The following UBE2E2 variants were observed in gnomAD, a reference collection of about 807,000 sequenced individuals.
The protein encoded by UBE2E2 is ubiquitin conjugating enzyme E2 E2, also known as ubiquitin-conjugating enzyme E2 E2.
UBE2E2 carries 6 observed loss-of-function variants against 24.7 expected under a neutral mutation model. The observed-to-expected ratio is 0.24, with a 90% confidence interval of 0.13 to 0.48. The LOEUF (loss-of-function observed/expected upper bound fraction) is 0.48, where lower values mean the gene tolerates loss of function less well. UBE2E2 is among the 20% of genes least tolerant of loss of function. The probability of loss-of-function intolerance (pLI) is 0.99; values close to 1 mark genes in which losing one functional copy is unlikely to be tolerated. For missense variants in UBE2E2, 169 were observed against 245.0 expected, an observed-to-expected ratio of 0.69 and a Z score of 2.07; for synonymous variants, 104 against 83.6, an observed-to-expected ratio of 1.24 and a Z score of -1.33.
chr3:23,564,200 G>T (rs1475710767), intron 5 of UBE2E2, among the ~76,000 whole-genome samples: 1 of 151,972 alleles, frequency 6.6e-6, no homozygotes, highest in Non-Finnish European at 1.5e-5. Context: ...GGGGCAATAG[G>T]TCTGTTCATT....
At chr3:23,512,363 A>G (rs752364167) in intron 4 of UBE2E2, among the ~76,000 whole-genome samples, 4 of 152,050 alleles carry the variant, frequency 2.6e-5, no homozygotes, top group Non-Finnish European at 4.4e-5. Flanking sequence ...GACTACAGGC[A>G]TGTGCCACCA....
rs564685824 is a variant in UBE2E2, at chr3:23,325,229, T to C, written c.227+107917T>C. On this transcript the variant is annotated intron_variant, in intron 3 of 5. Coordinates refer to ENST00000396703, the MANE Select transcript of UBE2E2 (RefSeq NM_152653.4). Reference sequence around the variant, plus strand: ...AATAAAGCTATTGTGTGTTTTTTTTTCCTTTGGGACAAGGATTTAGATTTA... The same window carrying C: ...AATAAAGCTATTGTGTGTTTTTTTTCCCTTTGGGACAAGGATTTAGATTTA... 2.6e-5 allele frequency among the ~76,000 whole-genome samples: 4 copies of C among 152,312 alleles called. No homozygotes were observed. In the South Asian group the frequency reaches 6.2e-4, roughly 24 times the overall value.
At chr3:23,361,178 T>C (rs1392500264) in intron 3 of UBE2E2, among the ~76,000 whole-genome samples, 1 of 152,048 alleles carries the variant, frequency 6.6e-6, no homozygotes, top group Non-Finnish European at 1.5e-5. Flanking sequence ...TAAAAAATAA[T>C]AGATGTTGGT....
At chr3:23,247,058 T>C (rs1248773404) in intron 3 of UBE2E2, among the ~76,000 whole-genome samples, 2 of 152,104 alleles carry the variant, frequency 1.3e-5, no homozygotes, top group African/African-American at 4.8e-5. Context: ...TCTTGTTATG[T>C]TGCCCACGTT....
intron 2 of UBE2E2, among the ~76,000 whole-genome samples, chr3:23,215,834 A>G (rs996996432): frequency 1.3e-5 from 2 of 152,182 alleles, no homozygotes; most frequent in African/African-American, 4.8e-5. Context: ...GGACTTAGCC[A>G]CTGAGTTTTG....
At chr3:23,508,669 G>GT (rs1306584756) in intron 4 of UBE2E2, among the ~76,000 whole-genome samples, 33 of 152,274 alleles carry the variant, frequency 2.2e-4, no homozygotes, top group African/African-American at 7.2e-4. Flanking sequence ...AAAGGTGGAG[G>GT]TTTCAAACAA....
At chr3:23,382,316 G>T (rs1696694321) in intron 3 of UBE2E2, among the ~76,000 whole-genome samples, 1 of 151,262 alleles carries the variant, frequency 6.6e-6, no homozygotes, top group Non-Finnish European at 1.5e-5. Context: ...AGAGTAGCTG[G>T]GATTACAGGT....
chr3:23,470,822 A>G (rs78123041), intron 3 of UBE2E2, among the ~76,000 whole-genome samples: 1 of 23,980 alleles, frequency 4.2e-5, no homozygotes, highest in Non-Finnish European at 7.0e-5. Context: ...AAATATATAT[A>G]TTTTTTTTTG....
intron 5 of UBE2E2, among the ~76,000 whole-genome samples, chr3:23,582,989 A>G (rs1452627487): frequency 6.6e-6 from 1 of 151,838 alleles, no homozygotes; most frequent in Non-Finnish European, 1.5e-5. Context: ...AGTCTTCATC[A>G]TGGAATTTTT....
chr3:23,415,283 A>G (rs554005256), intron 3 of UBE2E2, among the ~76,000 whole-genome samples: 1 of 152,222 alleles, frequency 6.6e-6, no homozygotes. Context: ...CTAACTAGCC[A>G]TTCCTGGAGT....
chr3:23,236,209 T>G (rs191184406), intron 3 of UBE2E2, among the ~76,000 whole-genome samples: 7 of 152,256 alleles, frequency 4.6e-5, no homozygotes, highest in African/African-American at 7.2e-5. Flanking sequence ...TAATAATTAA[T>G]GAAATTTTCA....
intron 5 of UBE2E2, among the ~76,000 whole-genome samples, chr3:23,571,197 T>C (rs1324810738): frequency 9.3e-5 from 14 of 150,534 alleles, no homozygotes; most frequent in African/African-American, 3.4e-4. Context: ...TAATAATGGC[T>C]CCAGAGCACC....
At chr3:23,501,389 C>G (rs886936281) in intron 4 of UBE2E2, among the ~76,000 whole-genome samples, 9 of 152,182 alleles carry the variant, frequency 5.9e-5, no homozygotes, top group Non-Finnish European at 1.3e-4. Flanking sequence ...GGCATCAGCT[C>G]TGCCAACTCA....
intron 3 of UBE2E2, among the ~76,000 whole-genome samples, chr3:23,257,313 A>T (rs1326825854): frequency 6.6e-6 from 1 of 152,148 alleles, no homozygotes; most frequent in Non-Finnish European, 1.5e-5. Context: ...GAGCAGGACT[A>T]GCTCTTCACT....
At chr3:23,519,800 C>T (rs9823960) in intron 4 of UBE2E2, among the ~76,000 whole-genome samples, 1 of 152,066 alleles carries the variant, frequency 6.6e-6, no homozygotes, top group Non-Finnish European at 1.5e-5. Flanking sequence ...CCTCAACCTT[C>T]TGACTGGCTA....
intron 3 of UBE2E2, among the ~76,000 whole-genome samples, chr3:23,264,215 G>A (rs547914109): frequency 1.3e-5 from 2 of 152,076 alleles, no homozygotes; most frequent in East Asian, 3.9e-4. Context: ...CTCTACAGAG[G>A]GAAATGCAAA....
At chr3:23,477,132 A>G (rs566643627) in intron 3 of UBE2E2, among the ~76,000 whole-genome samples, 1 of 151,204 alleles carries the variant, frequency 6.6e-6, no homozygotes, top group South Asian at 2.1e-4. Flanking sequence ...TAAAATAGAA[A>G]GAAGTCTTAC....
intron 3 of UBE2E2, among the ~76,000 whole-genome samples, chr3:23,255,275 G>A (rs1467515446): frequency 1.3e-5 from 2 of 149,024 alleles, no homozygotes; most frequent in African/African-American, 4.9e-5. Context: ...TTTTTTTTTG[G>A]TAACGATAGG....
At chr3:23,555,825 T>A (rs1695765065) in intron 5 of UBE2E2, among the ~76,000 whole-genome samples, 1 of 152,130 alleles carries the variant, frequency 6.6e-6, no homozygotes, top group Admixed American at 6.6e-5. Context: ...TTTTTAAAGG[T>A]CAACTATATA....
Sources: gnomAD v4.1 joint callset for allele counts (sites outside exome capture counted in the v4.1 genomes callset) on GRCh38, gnomAD v4.1.1 for gene constraint, MANE v1.5 for transcripts, NCBI Gene and HGNC (gene_info 2026-07-23, HGNC 2026-07-21) for gene names.